Variants in ZNF708 observed in about 807,000 individuals in gnomAD.
ZNF708 encodes the protein ZNF15, ZNF15L1.
A neutral mutation model predicts 47.0 loss-of-function variants in ZNF708; 44 were observed. The ratio of observed to expected loss-of-function variants is 0.94; its 90% CI spans 0.74 to 1.20. The LOEUF (loss-of-function observed/expected upper bound fraction) is 1.20, where lower values mean the gene tolerates loss of function less well. Among genes scored for constraint, ZNF708 ranks in the 50% most tolerant of loss-of-function variants. ZNF708 has a pLI of 0.00. For synonymous variants in ZNF708, 184 were observed against 218.5 expected (o/e 0.84, Z 1.39); for missense variants, 557 against 656.0 (o/e 0.85, Z 1.65).
At chr19:21,326,480 T>C (rs977059231) in intron 1 of ZNF708, among the ~76,000 whole-genome samples, 1 of 152,158 alleles carries the variant, frequency 6.6e-6, no homozygotes, top group African/African-American at 2.4e-5. Context: ...AAACATGGTA[T>C]GTTCTGTTAT....
intron 3 of ZNF708, among the ~76,000 whole-genome samples, chr19:21,301,792 G>A (rs1242708078): frequency 1.3e-5 from 2 of 151,968 alleles, no homozygotes; most frequent in African/African-American, 4.8e-5. Context: ...GTGAGACTTT[G>A]TCTCAAAAAA....
intron 3 of ZNF708, among the ~76,000 whole-genome samples, chr19:21,305,612 C>T (rs1972748053): frequency 6.6e-6 from 1 of 151,938 alleles, no homozygotes; most frequent in African/African-American, 2.4e-5. Context: ...GCACCCGCCA[C>T]CACGCCCAGC....
In ZNF708 at chr19:21,293,476, A is replaced by C; in HGVS notation, c.1490T>G (p.Ile497Ser). The stretch of plus-strand genomic sequence containing the variant: ...TTTGTAGGGTTTCTCTCCAGTATGA[A>C]TTATCTTATGTGTAGTAAGATGAGA... ...LSSHLTTHKIIHTGEKPYKCK... is the reference protein window; with the variant it reads ...LSSHLTTHKISHTGEKPYKCK... Residue 497 changes from isoleucine to serine, a missense_variant, in exon 4 of 4, where the codon ATT becomes AGT. Coordinates refer to ENST00000356929, the MANE Select transcript of ZNF708 (RefSeq NM_021269.3). 6.2e-7 allele frequency: 1 copy of C among 1,613,676 alleles called. No individual in the cohort carries two copies. Among genetic ancestry groups the C allele is most frequent in the Non-Finnish European group, 8.5e-7 (1 of 1,179,816 alleles).
intron 1 of ZNF708, among the ~76,000 whole-genome samples, chr19:21,313,122 C>A (rs369958310): frequency 2.1e-3 from 278 of 133,826 alleles, no homozygotes; most frequent in Non-Finnish European, 2.1e-3. Flanking sequence ...ACTAAAAATA[C>A]AAAAAAAAAA....
intron 3 of ZNF708, among the ~76,000 whole-genome samples, chr19:21,304,070 A>G (rs1360664697): frequency 6.6e-6 from 1 of 152,174 alleles, no homozygotes; most frequent in East Asian, 1.9e-4. Context: ...AATACCTGAG[A>G]GTAGATAATT....
rs1296869544 is a variant in ZNF708, at chr19:21,294,126, G to T, written c.840C>A (p.Tyr280Ter). The change falls in exon 4 of 4, where the codon TAC becomes TAA. Residue 280 changes from tyrosine (Y) to a stop codon, truncating the protein, a stop_gained. Coordinates refer to ENST00000356929, the MANE Select transcript of ZNF708 (RefSeq NM_021269.3). LOFTEE classifies it high-confidence loss of function. ...AAGCTTTGCCACATTCTTCACATTT[G>T]TAGGGTTTCTCTCCAGTATGAACTA... ...HKIVHTGEKP[Y>*]KCEECGKAFK... is the part of the protein sequence containing the mutation. 6.2e-6 allele frequency: 10 copies of T among 1,612,854 alleles called. No homozygotes were observed. The highest frequency in any genetic ancestry group is 1.6e-4 in the Middle Eastern group (1 of 6,080).
intron 3 of ZNF708, among the ~76,000 whole-genome samples, chr19:21,297,299 T>C (rs9967646): frequency 0.065 from 5,769 of 89,016 alleles, 538 homozygotes; most frequent in Non-Finnish European, 0.093. Context: ...TTTTTTTTTT[T>C]CAGATGGAGT....
At chr19:21,299,792 G>GT (rs1972618053) in intron 3 of ZNF708, among the ~76,000 whole-genome samples, 6 of 149,982 alleles carry the variant, frequency 4.0e-5, no homozygotes, top group Non-Finnish European at 8.9e-5. Context: ...AAAAAAAATT[G>GT]TTTTTTTAAT....
At chr19:21,326,465 A>G (rs1224870250) in intron 1 of ZNF708, among the ~76,000 whole-genome samples, 1 of 152,220 alleles carries the variant, frequency 6.6e-6, no homozygotes, top group African/African-American at 2.4e-5. Flanking sequence ...CAGGAGTTGA[A>G]AACCAAACAT....
Position 21,310,638 on chromosome 19 carries a change from CAT to C in ZNF708, c.4-13_4-12del. The C allele has an allele frequency of 6.7e-7, 1 of 1,484,658 alleles. No individual in the cohort carries two copies. The highest frequency in any genetic ancestry group is 9.0e-7 in the Non-Finnish European group (1 of 1,116,168). The allele number at this position is 1,484,658 out of a possible 1,614,324, so 92.0% of individuals were successfully genotyped here. A position where few individuals can be genotyped will look rare whatever the true frequency, so the allele number is the denominator to read the frequency against. The stretch of plus-strand genomic sequence containing the variant: ...AAATGTCAATGGTCCCTGAAAAACA[CAT>C]ACACACACACATATTTACCAAGTGG... On this transcript the variant is annotated splice_polypyrimidine_tract_variant and intron_variant, in intron 1 of 3. Transcript: ENST00000356929.
chr19:21,324,235 T>C (rs1427654881), intron 1 of ZNF708, among the ~76,000 whole-genome samples: 1 of 148,672 alleles, frequency 6.7e-6, no homozygotes, highest in Non-Finnish European at 1.5e-5. Context: ...AGAGCAAGAC[T>C]CCGTCTCAAA....
chr19:21,303,839 G>C (rs11667103), intron 3 of ZNF708, among the ~76,000 whole-genome samples: 21,275 of 151,582 alleles, frequency 0.14, 1,972 homozygotes, highest in Non-Finnish European at 0.21. Flanking sequence ...TAATAAAATA[G>C]GTCAATTTAC....
chr19:21,314,441 T>G (rs1289009425), intron 1 of ZNF708, among the ~76,000 whole-genome samples: 2 of 152,184 alleles, frequency 1.3e-5, no homozygotes, highest in Non-Finnish European at 2.9e-5. Context: ...CTTCTGTCCA[T>G]AAATATCCCT....
intron 1 of ZNF708, among the ~76,000 whole-genome samples, chr19:21,324,083 C>CAA (rs61446529): frequency 4.8e-4 from 70 of 146,836 alleles, no homozygotes; most frequent in South Asian, 4.7e-3. Context: ...ACTAAAAATA[C>CAA]AAAAAAAAAA....
Position 21,306,953 on chromosome 19 carries a change from A to AATAACATAACATAAC in ZNF708, c.226+2278_226+2292dup, listed in dbSNP as rs544489027. On this transcript the variant is annotated intron_variant, in intron 3 of 3. Transcript: ENST00000356929. ...CAGCAAAACTCCATCTCAAAAGAAA[A>AATAACATAACATAAC]ATAACATAACATAACATAACATAAC... 3.0e-3 allele frequency: 407 copies of AATAACATAACATAAC among 134,582 alleles called. 2 individuals carry two copies. The highest frequency in any genetic ancestry group is 7.1e-3 in the African/African-American group (250 of 35,222). 8.3% of individuals were successfully genotyped at this position (134,582 alleles called of 1,614,324 possible). A position where few individuals can be genotyped will look rare whatever the true frequency, so the allele number is the denominator to read the frequency against.
intron 1 of ZNF708, among the ~76,000 whole-genome samples, chr19:21,327,048 CAAATA>C (rs1337597305): frequency 2.0e-5 from 3 of 152,080 alleles, no homozygotes; most frequent in Non-Finnish European, 2.9e-5. Flanking sequence ...GAATTTCTCA[CAAATA>C]AAATACATGA....
intron 1 of ZNF708, among the ~76,000 whole-genome samples, chr19:21,314,052 A>G (rs756922508): frequency 1.5e-4 from 23 of 152,156 alleles, no homozygotes; most frequent in Non-Finnish European, 3.1e-4. Context: ...AGCTCTAGAG[A>G]GGCAGCAGAA....
intron 3 of ZNF708, among the ~76,000 whole-genome samples, chr19:21,300,286 G>A (rs905112370): frequency 1.5e-4 from 23 of 150,892 alleles, no homozygotes; most frequent in Non-Finnish European, 3.2e-4. Context: ...GAGGCGGGCA[G>A]ATCACATGAG....
At chr19:21,307,615 C>G (rs904825098) in intron 3 of ZNF708, among the ~76,000 whole-genome samples, 4 of 150,970 alleles carry the variant, frequency 2.6e-5, no homozygotes, top group African/African-American at 9.7e-5. Context: ...GAGTGAGACT[C>G]AGTTTCGGAA....
Sources: allele counts gnomAD v4.1 joint callset (sites outside exome capture counted in the v4.1 genomes callset), GRCh38; gene constraint gnomAD v4.1.1; transcripts MANE v1.5; gene names NCBI Gene and HGNC (gene_info 2026-07-23, HGNC 2026-07-21).